The following NCKAP5 variants were observed in gnomAD, a reference collection of about 807,000 sequenced individuals.
NCKAP5 encodes NCK associated protein 5.
Under a neutral mutation model 167.0 loss-of-function variants are expected in NCKAP5, and 92 were observed. The observed-to-expected ratio is 0.55, with a 90% CI of 0.47 to 0.66. The LOEUF (loss-of-function observed/expected upper bound fraction) is 0.66, where lower values mean the gene tolerates loss of function less well. Among genes scored for constraint, NCKAP5 ranks in the 30% least tolerant of loss-of-function variants. NCKAP5 has a pLI of 0.00. For missense variants in NCKAP5, 2,378 were observed against 2,315.0 expected (o/e 1.03, Z -0.56); for synonymous variants, 891 against 877.4 (o/e 1.02, Z -0.27).
intron 7 of NCKAP5, among the ~76,000 whole-genome samples, chr2:132,967,968 A>G (rs1256578958): frequency 6.6e-6 from 1 of 152,114 alleles, no homozygotes; most frequent in African/African-American, 2.4e-5. Flanking sequence ...GTAGCTGTGC[A>G]GTGGTTTGGG....
chr2:133,323,442 G>C (rs1190060296), intron 3 of NCKAP5, among the ~76,000 whole-genome samples: 1 of 152,156 alleles, frequency 6.6e-6, no homozygotes, highest in Non-Finnish European at 1.5e-5. Flanking sequence ...TCCTTTGTTG[G>C]AGAAGCTGAT....
At chr2:133,371,346 C>G (rs1685793074) in intron 3 of NCKAP5, among the ~76,000 whole-genome samples, 1 of 152,084 alleles carries the variant, frequency 6.6e-6, no homozygotes, top group South Asian at 2.1e-4. Context: ...AAAAGGTAGC[C>G]CCTGTTTTGT....
At chr2:133,282,710 A>G (rs536967579) in intron 4 of NCKAP5, among the ~76,000 whole-genome samples, 1 of 152,334 alleles carries the variant, frequency 6.6e-6, no homozygotes, top group African/African-American at 2.4e-5. Flanking sequence ...TAGAAGGCTT[A>G]CACCAGGCTA....
At chr2:133,019,547 A>G (rs1559056741) in intron 6 of NCKAP5, among the ~76,000 whole-genome samples, 2 of 152,162 alleles carry the variant, frequency 1.3e-5, no homozygotes, top group South Asian at 4.2e-4. Flanking sequence ...TCCTTCACAT[A>G]TTTATCTCTG....
intron 2 of NCKAP5, among the ~76,000 whole-genome samples, chr2:133,532,247 G>GTAAAAAAT (rs1685426276): frequency 6.6e-6 from 1 of 152,134 alleles, no homozygotes; most frequent in Admixed American, 6.6e-5. Context: ...CAAAAGAATG[G>GTAAAAAAT]GTATTAGTTG....
rs900747940 is a variant in NCKAP5 at position 133,366,787 on chromosome 2, A to G, written c.70-63677T>C. ...AGAACTTAAAGAGACTTTAAAAGTCATATGGGGAGTAAATTGGTAGAAGTG... is the reference window on the plus strand; with the variant it reads ...AGAACTTAAAGAGACTTTAAAAGTCGTATGGGGAGTAAATTGGTAGAAGTG... On this transcript the variant is annotated intron_variant, in intron 3 of 19. Transcript: ENST00000409261. Among the ~76,000 whole-genome samples the G allele has an allele frequency of 2.6e-5, 4 of 152,240 alleles. No individual in the cohort carries two copies. In the East Asian group the frequency reaches 7.7e-4, roughly 29 times the overall value.
the NCKAP5 span, among the ~76,000 whole-genome samples, chr2:133,606,310 G>A: frequency 6.6e-6 from 1 of 152,138 alleles, no homozygotes. Context: ...GAAGTCTGTA[G>A]ACAAATAAGT....
intron 8 of NCKAP5, among the ~76,000 whole-genome samples, chr2:132,947,941 A>C (rs1339598011): frequency 6.6e-6 from 1 of 152,098 alleles, no homozygotes; most frequent in Non-Finnish European, 1.5e-5. Context: ...GCTGAGATAC[A>C]CAAACTTACT....
chr2:133,240,771 A>G (rs1276653505), intron 4 of NCKAP5, among the ~76,000 whole-genome samples: 1 of 152,158 alleles, frequency 6.6e-6, no homozygotes, highest in African/African-American at 2.4e-5. Flanking sequence ...TCCATATAGA[A>G]CACTAGGTGA....
intron 2 of NCKAP5, among the ~76,000 whole-genome samples, chr2:133,520,384 T>C (rs1684374212): frequency 6.6e-6 from 1 of 152,126 alleles, no homozygotes; most frequent in Non-Finnish European, 1.5e-5. Flanking sequence ...CCTACCTTAC[T>C]CCCTACTAGC....
chr2:133,360,392 G>C (rs933683414), intron 3 of NCKAP5, among the ~76,000 whole-genome samples: 11 of 152,222 alleles, frequency 7.2e-5, no homozygotes, highest in African/African-American at 2.4e-4. Context: ...TTTCTGGAAA[G>C]AGTGTGTGGT....
At chr2:133,599,063 C>T in the NCKAP5 span, among the ~76,000 whole-genome samples, 22 of 152,352 alleles carry the variant, frequency 1.4e-4, no homozygotes, top group African/African-American at 4.8e-4. Flanking sequence ...TGGAATAGAA[C>T]TCTTTATAAG....
At chr2:133,344,225 T>C (rs1683796051) in intron 3 of NCKAP5, among the ~76,000 whole-genome samples, 1 of 151,866 alleles carries the variant, frequency 6.6e-6, no homozygotes, top group Non-Finnish European at 1.5e-5. Flanking sequence ...CTGACCAACA[T>C]GGTGAAACCC....
chr2:132,945,654 C>G (rs1574724378), intron 8 of NCKAP5, among the ~76,000 whole-genome samples: 1 of 152,250 alleles, frequency 6.6e-6, no homozygotes, highest in East Asian at 1.9e-4. Context: ...GATAATAACC[C>G]TTAAGATTTT....
At chr2:132,749,075 G>A (rs922578971) in intron 16 of NCKAP5, among the ~76,000 whole-genome samples, 4 of 152,000 alleles carry the variant, frequency 2.6e-5, no homozygotes, top group Admixed American at 2.0e-4. Context: ...AGCCGAAGTC[G>A]AGACTTTTTG....
chr2:133,295,726 C>T (rs764899223), intron 4 of NCKAP5, among the ~76,000 whole-genome samples: 127 of 152,250 alleles, frequency 8.3e-4, no homozygotes, highest in Admixed American at 1.7e-3. Context: ...AAACATCCTC[C>T]CCTACAATGA....
At chr2:133,243,667 T>C (rs769348795) in intron 4 of NCKAP5, among the ~76,000 whole-genome samples, 7 of 152,238 alleles carry the variant, frequency 4.6e-5, no homozygotes, top group African/African-American at 1.4e-4. Flanking sequence ...GAAGCTATCA[T>C]ATTTGATTGA....
At chr2:133,231,199 G>C (rs1049791182) in intron 4 of NCKAP5, among the ~76,000 whole-genome samples, 23 of 152,126 alleles carry the variant, frequency 1.5e-4, no homozygotes, top group African/African-American at 5.5e-4. Context: ...ATTTTATTGA[G>C]AAAAATCAAA....
rs187741527 is a variant in NCKAP5 at position 132,860,593 on chromosome 2, C to A, written c.706G>T (p.Val236Leu). 6.3e-7 allele frequency: 1 copy of A among 1,576,598 alleles called. No homozygotes were observed. The highest frequency in any genetic ancestry group is 1.3e-5 in the African/African-American group (1 of 74,550). ...LTQKDLREEC[V>L]KLKTRVFDLE... ...TCAAACACTCTTGTTTTCAACTTCACACATTCCTCTCTTAGATCCTACAAC... is the reference window on the plus strand; with the variant it reads ...TCAAACACTCTTGTTTTCAACTTCAAACATTCCTCTCTTAGATCCTACAAC... The change falls in exon 11 of 20, where the codon GTG (valine) becomes TTG (leucine). Residue 236 changes from valine to leucine, a missense_variant. Physicochemically the swap from Val to Leu is conservative, Grantham distance 32. This residue lies in a region of NCKAP5 where 1,049 missense variants were observed against 1,023.4 expected (regional missense o/e 1.02). Transcript: ENST00000409261.
Sources: gnomAD v4.1 joint callset for allele counts (sites outside exome capture counted in the v4.1 genomes callset) on GRCh38, gnomAD v4.1.1 for gene constraint, gnomAD v4.1.1 regional missense constraint, MANE v1.5 for transcripts, NCBI Gene and HGNC (gene_info 2026-07-23, HGNC 2026-07-21) for gene names.